Variants in ATP9A observed in about 807,000 individuals in gnomAD.
The protein encoded by ATP9A is ATPase phospholipid transporting 9A.
A neutral mutation model predicts 144.1 loss-of-function variants in ATP9A; 52 were observed. The ratio of observed to expected loss-of-function variants is 0.36; its 90% CI spans 0.29 to 0.45. The LOEUF is 0.45. Ranked by LOEUF, ATP9A falls within the 20% of genes least tolerant of loss-of-function variation. The pLI, the probability that ATP9A is intolerant of heterozygous loss-of-function variation, is 1.00. For synonymous variants in ATP9A, 582 were observed against 557.4 expected (o/e 1.04, Z -0.62); for missense variants, 947 against 1,392.7 (o/e 0.68, Z 5.09).
chr20:51,603,095 A>G (rs2077149564), intron 27 of ATP9A, among the ~76,000 whole-genome samples: 1 of 152,094 alleles, frequency 6.6e-6, no homozygotes, highest in African/African-American at 2.4e-5. Flanking sequence ...TTTCCCCCAG[A>G]GAGAGTCTAT....
At chr20:51,741,023 T>A (rs6123076) in intron 1 of ATP9A, among the ~76,000 whole-genome samples, 65 of 98,882 alleles carry the variant, frequency 6.6e-4, no homozygotes, top group South Asian at 3.0e-3. Context: ...TTAATTAAAA[T>A]TAAATTTTAA....
chr20:51,632,048 CT>C (rs1333015072), intron 15 of ATP9A, among the ~76,000 whole-genome samples: 4 of 152,094 alleles, frequency 2.6e-5, no homozygotes, highest in Non-Finnish European at 4.4e-5. Context: ...GAGAATTTTT[CT>C]TTTTTTTCTT....
chr20:51,612,379 G>A (rs957774005), intron 23 of ATP9A, among the ~76,000 whole-genome samples: 1 of 152,086 alleles, frequency 6.6e-6, no homozygotes, highest in Non-Finnish European at 1.5e-5. Context: ...CCCTCCTTTG[G>A]CCTCCTTTCT....
intron 1 of ATP9A, among the ~76,000 whole-genome samples, chr20:51,760,012 T>C (rs2077872329): frequency 6.6e-6 from 1 of 152,102 alleles, no homozygotes; most frequent in African/African-American, 2.4e-5. Context: ...TCATTGCAGC[T>C]CTCACACTAC....
intron 1 of ATP9A, among the ~76,000 whole-genome samples, chr20:51,747,107 T>C (rs529633016): frequency 6.6e-6 from 1 of 151,556 alleles, no homozygotes; most frequent in East Asian, 1.9e-4. Flanking sequence ...CGTTTTTTTT[T>C]TTTTTTTTCC....
At chr20:51,683,881 T>C (rs148783507) in intron 9 of ATP9A, among the ~76,000 whole-genome samples, 77 of 152,312 alleles carry the variant, frequency 5.1e-4, no homozygotes, top group African/African-American at 1.7e-3. Flanking sequence ...TGTAAGACTA[T>C]ATAAACACTC....
intron 14 of ATP9A, among the ~76,000 whole-genome samples, chr20:51,641,281 C>G (rs2077317545): frequency 6.6e-6 from 1 of 151,878 alleles, no homozygotes; most frequent in African/African-American, 2.4e-5. Flanking sequence ...ATCTCTTAAA[C>G]CTGGAAGGTA....
At chr20:51,708,269 A>G (rs1281500408) in intron 4 of ATP9A, among the ~76,000 whole-genome samples, 1 of 151,052 alleles carries the variant, frequency 6.6e-6, no homozygotes, top group East Asian at 2.0e-4. Flanking sequence ...CCTGGGCAAC[A>G]TGGCGAAATC....
rs1026788597 is a variant in ATP9A at position 51,610,114 on chromosome 20, A to C, written c.2623T>G (p.Phe875Val). 1 of 1,604,374 alleles carries C rather than the reference A, an allele frequency of 6.2e-7. No individual in the cohort carries two copies. The highest frequency in any genetic ancestry group is 1.3e-5 in the African/African-American group (1 of 74,658). The change falls in exon 24 of 28, where the codon TTC (phenylalanine) becomes GTC (valine). Residue 875 changes from phenylalanine to valine, a missense_variant. Around this residue, in one of 2 missense-constraint regions of ATP9A, gnomAD observed 177 missense variants for 344.9 expected, o/e 0.51. Transcript: ENST00000338821. ...YFASVPLYQG[F>V]LIIGYSTIYT... Reference sequence around the variant, plus strand: ...GGATTTCCTTACCCAATGATGAGGAATCCTTGATAGAGAGGGACGGAGGCA... The same window carrying C: ...GGATTTCCTTACCCAATGATGAGGACTCCTTGATAGAGAGGGACGGAGGCA...
intron 9 of ATP9A, among the ~76,000 whole-genome samples, chr20:51,682,143 A>G (rs2122803285): frequency 1.3e-5 from 2 of 152,218 alleles, no homozygotes; most frequent in African/African-American, 4.8e-5. Flanking sequence ...ATTGGGTACT[A>G]TGCTTACTGC....
At chr20:51,687,038 T>C (rs573219540) in intron 9 of ATP9A, among the ~76,000 whole-genome samples, 2 of 152,136 alleles carry the variant, frequency 1.3e-5, no homozygotes, top group Non-Finnish European at 2.9e-5. Context: ...GAGATAATTA[T>C]TTTTCAGTCA....
intron 4 of ATP9A, among the ~76,000 whole-genome samples, chr20:51,708,184 G>T (rs1439962387): frequency 2.6e-5 from 4 of 151,958 alleles, no homozygotes; most frequent in African/African-American, 9.7e-5. Context: ...GGGCACAGTG[G>T]CTCACATCTG....
At chr20:51,678,389 G>T (rs1006473321) in intron 9 of ATP9A, among the ~76,000 whole-genome samples, 3 of 152,156 alleles carry the variant, frequency 2.0e-5, no homozygotes, top group African/African-American at 4.8e-5. Context: ...TAAAGAGCCC[G>T]CCCCCAAATG....
intron 4 of ATP9A, 48 bp from the exon 5 acceptor site, chr20:51,697,530 A>T: frequency 6.3e-7 from 1 of 1,576,464 alleles, no homozygotes; most frequent in Non-Finnish European, 8.7e-7. Context: ...ATTCATTTCA[A>T]TTCAACACGT....
intron 13 of ATP9A, among the ~76,000 whole-genome samples, chr20:51,659,947 A>T (rs1411471586): frequency 2.0e-5 from 3 of 152,246 alleles, no homozygotes; most frequent in Non-Finnish European, 2.9e-5. Context: ...TAATTAGAGT[A>T]ATGAATCAGA....
chr20:51,765,517 G>T (rs2077899636), intron 1 of ATP9A, among the ~76,000 whole-genome samples: 1 of 151,220 alleles, frequency 6.6e-6, no homozygotes, highest in Non-Finnish European at 1.5e-5. Context: ...TGCCGGGCAT[G>T]GTGCATGCCT....
chr20:51,706,044 A>G (rs1333931291), intron 4 of ATP9A, among the ~76,000 whole-genome samples: 2 of 152,212 alleles, frequency 1.3e-5, no homozygotes, highest in African/African-American at 4.8e-5. Flanking sequence ...TGTTTATCCA[A>G]AAGCACTACC....
chr20:51,614,672 C>T (rs1311349825), intron 22 of ATP9A, among the ~76,000 whole-genome samples: 2 of 152,098 alleles, frequency 1.3e-5, no homozygotes, highest in Non-Finnish European at 2.9e-5. Flanking sequence ...CCTCTGGATA[C>T]GACACAACAG....
intron 1 of ATP9A, among the ~76,000 whole-genome samples, chr20:51,758,509 C>T (rs2077865612): frequency 6.6e-6 from 1 of 152,204 alleles, no homozygotes; most frequent in Admixed American, 6.6e-5. Flanking sequence ...CGGTTCCATG[C>T]CTTGCCTCCT....
Sources: gnomAD v4.1 joint callset for allele counts (sites outside exome capture counted in the v4.1 genomes callset) on GRCh38, gnomAD v4.1.1 for gene constraint, gnomAD v4.1.1 regional missense constraint, MANE v1.5 for transcripts, NCBI Gene and HGNC (gene_info 2026-07-23, HGNC 2026-07-21) for gene names.